Variants in VTCN1 observed in about 807,000 individuals in gnomAD.
VTCN1 encodes V-set domain-containing T-cell activation inhibitor 1.
In VTCN1, 26 loss-of-function variants were observed where a neutral mutation model predicts 26.5. The observed-to-expected ratio is 0.98, with a 90% CI of 0.72 to 1.36. The LOEUF (loss-of-function observed/expected upper bound fraction) is 1.36. Ranked by LOEUF, VTCN1 falls within the 40% of genes most tolerant of loss-of-function variation. The pLI is 0.00. For missense variants in VTCN1, 298 were observed against 337.7 expected, an observed-to-expected ratio of 0.88 and a Z score of 0.92; for synonymous variants, 116 against 130.7, an observed-to-expected ratio of 0.89 and a Z score of 0.77.
At chr1:117,178,798 C>T (rs1647521060) in intron 1 of VTCN1, among the ~76,000 whole-genome samples, 1 of 151,866 alleles carries the variant, frequency 6.6e-6, no homozygotes, top group African/African-American at 2.4e-5. Flanking sequence ...ACTATGTGGC[C>T]CAAGCTGGTC....
Position 117,146,636 on chromosome 1 carries a change from G to A in VTCN1, c.*45+977C>T, listed in dbSNP as rs1182113292. 6.6e-6 allele frequency among the ~76,000 whole-genome samples: 1 copy of A among 152,158 alleles called. No homozygotes were observed. Among genetic ancestry groups the A allele is most frequent in the East Asian group, 1.9e-4 (1 of 5,194 alleles). On this transcript the variant is annotated intron_variant, in intron 5 of 5. Coordinates refer to ENST00000369458, the MANE Select transcript of VTCN1 (RefSeq NM_024626.4). The surrounding 1 kb of genome is among the most constrained non-coding windows in gnomAD (Gnocchi z 4.2). ...TTCCAGGAAAAGACAGTGAGGGAGG[G>A]AGCAAGACCAGAAAGTAATGGTAGT...
chr1:117,151,761 T>A (rs1281271136), intron 4 of VTCN1, among the ~76,000 whole-genome samples: 3 of 152,190 alleles, frequency 2.0e-5, no homozygotes, highest in Non-Finnish European at 4.4e-5. Context: ...ATTGTTTTGA[T>A]GACACTTTAT....
chr1:117,199,399 C>T (rs1405860019), intron 1 of VTCN1, among the ~76,000 whole-genome samples: 2 of 152,204 alleles, frequency 1.3e-5, no homozygotes, highest in Non-Finnish European at 2.9e-5. Context: ...GATCTCTGCT[C>T]ACTGCAAACT....
intron 2 of VTCN1, among the ~76,000 whole-genome samples, chr1:117,160,338 G>A (rs1652300266): frequency 6.6e-6 from 1 of 152,158 alleles, no homozygotes; most frequent in Non-Finnish European, 1.5e-5. Flanking sequence ...AACATAACGG[G>A]TCCTGAGCAC....
intron 1 of VTCN1, chr1:117,203,790 T>G: frequency 2.0e-6 from 2 of 985,412 alleles, no homozygotes; most frequent in Non-Finnish European, 2.4e-6. Flanking sequence ...GAGCGGCTGC[T>G]AATACAGAGA....
rs549924425 is a variant in VTCN1 at position 117,174,660 on chromosome 1, G to A, written c.33-4489C>T. Among the ~76,000 whole-genome samples, 14 of 152,252 alleles carry A rather than the reference G, an allele frequency of 9.2e-5. No individual in the cohort carries two copies. In the East Asian group the frequency reaches 1.7e-3, roughly 19 times the overall value. Reference sequence around the variant, plus strand: ...CAAGTGCCTGTAATCCCAGCTACTCGGGAGGCTGGGGCAGGAGAATTGCTT... The same window carrying A: ...CAAGTGCCTGTAATCCCAGCTACTCAGGAGGCTGGGGCAGGAGAATTGCTT... On this transcript the variant is annotated intron_variant, in intron 1 of 5. Coordinates refer to ENST00000369458, the MANE Select transcript of VTCN1 (RefSeq NM_024626.4).
chr1:117,207,224 A>C (rs6687393), intron 1 of VTCN1, among the ~76,000 whole-genome samples: 1 of 152,098 alleles, frequency 6.6e-6, no homozygotes, highest in African/African-American at 2.4e-5. Context: ...CCACCTTCCT[A>C]TGGTAGAAAG....
chr1:117,204,676 C>T (rs1648952693), intron 1 of VTCN1, among the ~76,000 whole-genome samples: 1 of 152,024 alleles, frequency 6.6e-6, no homozygotes. Context: ...ACCATCCTGG[C>T]TAACACGGTG....
At chr1:117,207,026 G>A (rs951613487) in intron 1 of VTCN1, among the ~76,000 whole-genome samples, 1 of 152,104 alleles carries the variant, frequency 6.6e-6, no homozygotes. Context: ...CCTCAGCCCA[G>A]GCTCAAGCAA....
rs1243966106 is a variant in VTCN1, at chr1:117,156,820, T to A, written c.199A>T (p.Ile67Phe). 1 of 1,614,124 alleles carries A rather than the reference T, an allele frequency of 6.2e-7. No homozygotes were observed. The highest frequency in any genetic ancestry group is 8.5e-7 in the Non-Finnish European group (1 of 1,180,014). Residue 67 changes from isoleucine to phenylalanine, a missense_variant, in exon 3 of 6, where the codon ATC (isoleucine) becomes TTC (phenylalanine). Coordinates refer to ENST00000369458, the MANE Select transcript of VTCN1 (RefSeq NM_024626.4). ...TFEPDIKLSDIVIQWLKEGVL... is the reference protein window; with the variant it reads ...TFEPDIKLSDFVIQWLKEGVL... ...CCTTCCTTCAGCCATTGTATCACGA[T>A]ATCAGAAAGTTTGATGTCAGGTTCA...
chr1:117,201,581 C>A (rs1251251068), intron 1 of VTCN1, among the ~76,000 whole-genome samples: 2 of 152,184 alleles, frequency 1.3e-5, no homozygotes, highest in Non-Finnish European at 2.9e-5. Context: ...TGCATACTGT[C>A]CTTCTGGAGG....
At chr1:117,149,724 A>G (rs1651695983) in intron 4 of VTCN1, among the ~76,000 whole-genome samples, 1 of 152,248 alleles carries the variant, frequency 6.6e-6, no homozygotes, top group Non-Finnish European at 1.5e-5. Flanking sequence ...TACTCTGAAC[A>G]TACTTGGCAC....
intron 1 of VTCN1, chr1:117,203,671 C>T (rs1338312263): frequency 2.0e-6 from 2 of 985,338 alleles, no homozygotes; most frequent in South Asian, 9.4e-5. Context: ...ATCTGTGGCT[C>T]TTTAGCACAT....
intron 1 of VTCN1, among the ~76,000 whole-genome samples, chr1:117,190,224 A>G (rs1648178095): frequency 1.3e-5 from 2 of 152,252 alleles, no homozygotes; most frequent in Admixed American, 1.3e-4. Context: ...CCACGAAGAC[A>G]GACTTGCCAA....
chr1:117,181,942 C>T (rs1018035518), intron 1 of VTCN1, among the ~76,000 whole-genome samples: 2 of 152,174 alleles, frequency 1.3e-5, no homozygotes, highest in Non-Finnish European at 2.9e-5. Flanking sequence ...ACCTTTGCAA[C>T]ACCCTAAAGC....
chr1:117,180,133 G>A (rs1219195577), intron 1 of VTCN1, among the ~76,000 whole-genome samples: 1 of 152,134 alleles, frequency 6.6e-6, no homozygotes, highest in East Asian at 1.9e-4. Flanking sequence ...CCCAGGAAGT[G>A]TCTTTCATTT....
At chr1:117,193,851 C>T (rs781544296) in intron 1 of VTCN1, among the ~76,000 whole-genome samples, 1 of 152,126 alleles carries the variant, frequency 6.6e-6, no homozygotes, top group African/African-American at 2.4e-5. Context: ...CTTTATCTTA[C>T]ACCACACACA....
chr1:117,204,713 A>G (rs186579056), intron 1 of VTCN1, among the ~76,000 whole-genome samples: 94 of 152,126 alleles, frequency 6.2e-4, no homozygotes, highest in Non-Finnish European at 1.3e-3. Flanking sequence ...AAAAATACAA[A>G]AAATTAGCTG....
Position 117,153,338 on chromosome 1 carries a change from A to G in VTCN1, c.477T>C (p.Tyr159=), listed in dbSNP as rs367655362. Residue 159 remains tyrosine (Y), a synonymous_variant, in exon 4 of 6, where the codon TAT becomes TAC. Coordinates refer to ENST00000369458, the MANE Select transcript of VTCN1 (RefSeq NM_024626.4). ...ACCGCAAGGTCTCTGAGCTGGCATT[A>G]TAGTCCACATTCACTTCCGGCATGC... ...AFSMPEVNVD[Y]NASSETLRCE... 4 of 1,612,186 alleles carry G rather than the reference A, an allele frequency of 2.5e-6. No individual in the cohort carries two copies. Among genetic ancestry groups the G allele is most frequent in the East Asian group, 4.5e-5 (2 of 44,808 alleles).
Sources: gnomAD v4.1 joint callset for allele counts (sites outside exome capture counted in the v4.1 genomes callset) on GRCh38, gnomAD v4.1.1 for gene constraint, Gnocchi (gnomAD v3.1) non-coding constraint, MANE v1.5 for transcripts, NCBI Gene and HGNC (gene_info 2026-07-23, HGNC 2026-07-21) for gene names.